Variants in PTCSC3 observed in about 807,000 individuals in gnomAD.
PTCSC3 encodes the protein papillary thyroid carcinoma susceptibility candidate 3 (non-protein coding).
At chr14:36,142,760 A>T in intron 3 of PTCSC3, among the ~76,000 whole-genome samples, 1 of 147,938 alleles carries the variant, frequency 6.8e-6, no homozygotes, top group African/African-American at 2.5e-5. Flanking sequence ...GCACCCACTA[A>T]CTCATCATCT....
At chr14:36,147,202 G>C (rs569874757) in intron 3 of PTCSC3, among the ~76,000 whole-genome samples, 1 of 152,244 alleles carries the variant, frequency 6.6e-6, no homozygotes, top group South Asian at 2.1e-4. Flanking sequence ...GAATCTGAAT[G>C]TTGGCCTGCC....
chr14:36,157,889 G>A (rs780701434), intron 2 of PTCSC3, among the ~76,000 whole-genome samples: 56 of 151,562 alleles, frequency 3.7e-4, no homozygotes, highest in Admixed American at 1.6e-3. Flanking sequence ...CTATCCATGA[G>A]CATGGAATGC....
chr14:36,148,365 G>T (rs1232851938), intron 3 of PTCSC3, among the ~76,000 whole-genome samples: 1 of 152,200 alleles, frequency 6.6e-6, no homozygotes, highest in Admixed American at 6.5e-5. Context: ...TAATGTCGTG[G>T]TGCGCCGTTT....
intron 2 of PTCSC3, among the ~76,000 whole-genome samples, chr14:36,160,879 T>C (rs1026126211): frequency 6.6e-6 from 1 of 152,216 alleles, no homozygotes; most frequent in African/African-American, 2.4e-5. Flanking sequence ...ATAGATTTGG[T>C]CTTTTCATAT....
chr14:36,162,283 A>C (rs1360664232), intron 2 of PTCSC3, among the ~76,000 whole-genome samples: 1 of 129,630 alleles, frequency 7.7e-6, no homozygotes, highest in Non-Finnish European at 1.7e-5. Context: ...AAAAAAAAAA[A>C]AACTCCTGCA....
Position 36,147,131 on chromosome 14 carries a change from AT to A in PTCSC3, n.322+6672del, listed in dbSNP as rs995485719. 3.9e-4 allele frequency among the ~76,000 whole-genome samples: 60 copies of A among 152,022 alleles called. 3 individuals are homozygous for A. Among genetic ancestry groups the A allele is most frequent in the Non-Finnish European group, 1.3e-4 (9 of 68,024 alleles). On this transcript the variant is annotated intron_variant and non_coding_transcript_variant, in intron 3 of 3. Transcript: ENST00000556013. ...CATTTCGACTTTGGTGAATCTGACA[AT>A]TATGTGTCTTGGAGTTGCTCTTCTG...
chr14:36,137,239 G>A (rs1881308524), intron 3 of PTCSC3, among the ~76,000 whole-genome samples: 4 of 151,814 alleles, frequency 2.6e-5, no homozygotes, highest in Admixed American at 2.6e-4. Flanking sequence ...TGAAATGGGA[G>A]CAGCTTGACA....
At chr14:36,156,895 G>A (rs1260329987) in intron 2 of PTCSC3, among the ~76,000 whole-genome samples, 1 of 152,164 alleles carries the variant, frequency 6.6e-6, no homozygotes, top group African/African-American at 2.4e-5. Context: ...TGTCTTTATA[G>A]TAGAATGATT....
At chr14:36,162,277 A>AC (rs1881979188) in intron 2 of PTCSC3, among the ~76,000 whole-genome samples, 1 of 112,284 alleles carries the variant, frequency 8.9e-6, no homozygotes, top group East Asian at 2.6e-4. Context: ...AAAAAAAAAA[A>AC]AAAAAAAACT....
chr14:36,146,838 G>C (rs1044023879), intron 3 of PTCSC3, among the ~76,000 whole-genome samples: 7 of 152,150 alleles, frequency 4.6e-5, no homozygotes, highest in African/African-American at 1.7e-4. Context: ...TCCTTCAGGA[G>C]CTCTTTTAGG....
intron 2 of PTCSC3, among the ~76,000 whole-genome samples, chr14:36,162,472 C>T (rs1318271095): frequency 6.6e-6 from 1 of 152,104 alleles, no homozygotes; most frequent in Non-Finnish European, 1.5e-5. Context: ...CTTCCCTTGG[C>T]TAGGGGAGGG....
chr14:36,139,758 C>G (rs149055977), intron 3 of PTCSC3, among the ~76,000 whole-genome samples: 149 of 152,328 alleles, frequency 9.8e-4, no homozygotes, highest in African/African-American at 3.4e-3. Flanking sequence ...CCCTTCCCCA[C>G]AGTTTCCCCT....
intron 1 of PTCSC3, among the ~76,000 whole-genome samples, chr14:36,173,057 A>G (rs1044932033): frequency 6.6e-6 from 1 of 152,140 alleles, no homozygotes; most frequent in Non-Finnish European, 1.5e-5. Context: ...AACAAAGGCA[A>G]CAAAAGAAAT....
intron 3 of PTCSC3, among the ~76,000 whole-genome samples, chr14:36,153,025 G>A (rs1382465908): frequency 6.6e-6 from 1 of 152,170 alleles, no homozygotes; most frequent in Non-Finnish European, 1.5e-5. Flanking sequence ...TAGACTAGTT[G>A]GTCAAACAAC....
At chr14:36,143,436 T>C (rs1214572588) in intron 3 of PTCSC3, among the ~76,000 whole-genome samples, 1 of 132,734 alleles carries the variant, frequency 7.5e-6, no homozygotes, top group Admixed American at 7.8e-5. Context: ...TCATGTGTTT[T>C]TTGGCTGCAT....
chr14:36,149,424 C>A (rs1881671745), intron 3 of PTCSC3, among the ~76,000 whole-genome samples: 1 of 152,052 alleles, frequency 6.6e-6, no homozygotes, highest in South Asian at 2.1e-4. Context: ...TGAATGTTCC[C>A]TGTGAGTTTG....
At chr14:36,161,884 C>T (rs1288021019) in intron 2 of PTCSC3, among the ~76,000 whole-genome samples, 1 of 152,322 alleles carries the variant, frequency 6.6e-6, no homozygotes, top group Non-Finnish European at 1.5e-5. Flanking sequence ...GGGCTGCTGC[C>T]TTTCTTTCAG....
At chr14:36,170,240 G>A (rs1425657370) in intron 1 of PTCSC3, among the ~76,000 whole-genome samples, 2 of 151,614 alleles carry the variant, frequency 1.3e-5, no homozygotes, top group African/African-American at 4.8e-5. Context: ...TCCCATGTTC[G>A]CATTATTTCT....
rs115449349 is a variant in PTCSC3, at chr14:36,138,057, G to T, written n.323-1701C>A. On this transcript the variant is annotated intron_variant and non_coding_transcript_variant, in intron 3 of 3. Transcript: ENST00000556013. ...ATTTAACATCTGGGGTGGTGAGGAA[G>T]AAATGGTAAAGGAGAGAACAGGAAG... is the stretch of plus-strand genomic sequence containing the variant. Among the ~76,000 whole-genome samples the T allele has an allele frequency of 3.8e-3, 580 of 152,254 alleles. 6 individuals are homozygous for T. Among genetic ancestry groups the T allele is most frequent in the African/African-American group, 0.012 (516 of 41,554 alleles).
Sources: gnomAD v4.1 joint callset for allele counts (sites outside exome capture counted in the v4.1 genomes callset) on GRCh38, gnomAD v4.1.1 for gene constraint, MANE v1.5 for transcripts, NCBI Gene and HGNC (gene_info 2026-07-23, HGNC 2026-07-21) for gene names.